NCAM2: variants seen among roughly 807,000 people sequenced by gnomAD.
NCAM2 encodes neural cell adhesion molecule 2.
In NCAM2, 30 loss-of-function variants were observed where a neutral mutation model predicts 98.1. That is an observed-to-expected ratio of 0.31 (90% CI 0.23 to 0.41). The LOEUF (loss-of-function observed/expected upper bound fraction) is 0.41. Among genes scored for constraint, NCAM2 ranks in the 10% least tolerant of loss-of-function variants. NCAM2 has a pLI of 1.00. For synonymous variants in NCAM2, 368 were observed against 342.4 expected, an observed-to-expected ratio of 1.07 and a Z score of -0.83; for missense variants, 867 against 1,005.8, an observed-to-expected ratio of 0.86 and a Z score of 1.87.
At chr21:21,460,522 A>G (rs914558258) in intron 12 of NCAM2, among the ~76,000 whole-genome samples, 40 of 152,006 alleles carry the variant, frequency 2.6e-4, no homozygotes, top group Admixed American at 1.3e-4. Flanking sequence ...TTCAGCAACA[A>G]GAGCAGAGTG....
intron 15 of NCAM2, among the ~76,000 whole-genome samples, chr21:21,489,881 A>G (rs941302660): frequency 2.0e-5 from 3 of 152,016 alleles, no homozygotes; most frequent in Admixed American, 2.0e-4. Flanking sequence ...TTGGAGTATT[A>G]TTCTAAAGTT....
chr21:21,431,985 G>A (rs558383216), intron 11 of NCAM2, 123 bp from the exon 12 acceptor site: 352 of 741,678 alleles, frequency 4.7e-4, no homozygotes, highest in Admixed American at 8.4e-4. Context: ...TCTGTAACTC[G>A]AACATATTAA....
chr21:21,517,556 C>T (rs1028851993), intron 16 of NCAM2, among the ~76,000 whole-genome samples: 1 of 152,106 alleles, frequency 6.6e-6, no homozygotes, highest in Admixed American at 6.6e-5. Flanking sequence ...TCAGTAAGTA[C>T]TGACTTAAAA....
chr21:21,123,491 A>T (rs115148617), intron 1 of NCAM2, among the ~76,000 whole-genome samples: 69 of 152,144 alleles, frequency 4.5e-4, no homozygotes, highest in African/African-American at 1.4e-3. Flanking sequence ...TACCCATTCG[A>T]TATTATCTAC....
chr21:21,078,014 A>G (rs1422526139), intron 1 of NCAM2, among the ~76,000 whole-genome samples: 1 of 152,184 alleles, frequency 6.6e-6, no homozygotes, highest in Non-Finnish European at 1.5e-5. Flanking sequence ...TAGTACCAAA[A>G]TAATCTTAGT....
At chr21:21,397,990 T>C (rs1245671091) in intron 9 of NCAM2, among the ~76,000 whole-genome samples, 1 of 152,232 alleles carries the variant, frequency 6.6e-6, no homozygotes, top group Non-Finnish European at 1.5e-5. Context: ...GCAGCACAAT[T>C]AGCAAATGCA....
chr21:21,214,745 ATACAC>A (rs1293815503), intron 1 of NCAM2, among the ~76,000 whole-genome samples: 1 of 106,946 alleles, frequency 9.4e-6, no homozygotes, highest in African/African-American at 3.1e-5. Context: ...ATATATATAT[ATACAC>A]TATATATACA....
intron 10 of NCAM2, among the ~76,000 whole-genome samples, chr21:21,415,249 T>G (rs1332767815): frequency 1.3e-5 from 2 of 151,922 alleles, no homozygotes; most frequent in African/African-American, 4.8e-5. Flanking sequence ...AGATGGCATC[T>G]TCTTGCAATA....
chr21:21,266,735 G>T (rs554297694), intron 1 of NCAM2, among the ~76,000 whole-genome samples: 23 of 152,050 alleles, frequency 1.5e-4, no homozygotes, highest in Non-Finnish European at 2.1e-4. Flanking sequence ...GTGGGTGGAG[G>T]GGGGAGGGAT....
At chr21:21,217,937 C>A (rs1225760696) in intron 1 of NCAM2, among the ~76,000 whole-genome samples, 2 of 152,124 alleles carry the variant, frequency 1.3e-5, no homozygotes, top group Non-Finnish European at 2.9e-5. Context: ...AAACCTCAGC[C>A]CCACAACCAC....
chr21:21,385,313 A>T (rs1380964166), intron 9 of NCAM2, among the ~76,000 whole-genome samples: 1 of 151,820 alleles, frequency 6.6e-6, no homozygotes, highest in Non-Finnish European at 1.5e-5. Context: ...TTTGTTATGC[A>T]TCATGGCCAT....
At chr21:21,386,392 A>C (rs1271842044) in intron 9 of NCAM2, among the ~76,000 whole-genome samples, 1 of 152,202 alleles carries the variant, frequency 6.6e-6, no homozygotes, top group East Asian at 1.9e-4. Context: ...AGTACATTTA[A>C]GCCAATGAAA....
At chr21:21,164,336 A>G (rs2067884258) in intron 1 of NCAM2, among the ~76,000 whole-genome samples, 1 of 152,232 alleles carries the variant, frequency 6.6e-6, no homozygotes, top group African/African-American at 2.4e-5. Context: ...GAAAAACTAT[A>G]GAAGTTTGAC....
At chr21:21,379,801 A>T (rs1273521034) in intron 9 of NCAM2, among the ~76,000 whole-genome samples, 3 of 152,042 alleles carry the variant, frequency 2.0e-5, no homozygotes, top group African/African-American at 7.2e-5. Context: ...AGAGGGACAG[A>T]ATAAGATATA....
intron 12 of NCAM2, among the ~76,000 whole-genome samples, chr21:21,440,517 A>G (rs1979079532): frequency 6.6e-6 from 1 of 151,980 alleles, no homozygotes; most frequent in Admixed American, 6.6e-5. Flanking sequence ...CCTCATATTG[A>G]CAAAAATACA....
At chr21:21,382,707 T>C (rs1464558408) in intron 9 of NCAM2, among the ~76,000 whole-genome samples, 3 of 151,954 alleles carry the variant, frequency 2.0e-5, no homozygotes. Flanking sequence ...GTTTTTTGTA[T>C]TTTTAGTAGA....
At chr21:21,227,069 AT>A (rs1438905258) in intron 1 of NCAM2, among the ~76,000 whole-genome samples, 3 of 152,040 alleles carry the variant, frequency 2.0e-5, no homozygotes, top group African/African-American at 7.2e-5. Context: ...GTTAGTTTAC[AT>A]TATGTTTAAA....
intron 1 of NCAM2, chr21:21,210,565 G>T (rs1185759033): frequency 7.8e-7 from 1 of 1,288,516 alleles, no homozygotes; most frequent in Admixed American, 2.3e-5. Context: ...TACCACGATG[G>T]TGAGATCTGA....
At chr21:21,102,894 T>A (rs1376753301) in intron 1 of NCAM2, among the ~76,000 whole-genome samples, 1 of 152,098 alleles carries the variant, frequency 6.6e-6, no homozygotes, top group Non-Finnish European at 1.5e-5. Flanking sequence ...TCTATAATTA[T>A]GTAATATATC....
Sources: gnomAD v4.1 joint callset for allele counts (sites outside exome capture counted in the v4.1 genomes callset) on GRCh38, gnomAD v4.1.1 for gene constraint, MANE v1.5 for transcripts, NCBI Gene and HGNC (gene_info 2026-07-23, HGNC 2026-07-21) for gene names.